The following POR variants were observed in gnomAD, a reference collection of about 807,000 sequenced individuals.
POR encodes cytochrome p450 oxidoreductase, also known as NADPH--cytochrome P450 reductase.
A neutral mutation model predicts 84.0 loss-of-function variants in POR; 56 were observed. That is an observed-to-expected ratio of 0.67 (90% CI 0.54 to 0.83). The LOEUF is 0.83. POR is among the 40% of genes least tolerant of loss of function. The pLI, the probability that POR is intolerant of heterozygous loss-of-function variation, is 0.00. For synonymous variants in POR, 414 were observed against 400.5 expected (o/e 1.03, Z -0.40); for missense variants, 938 against 944.3 (o/e 0.99, Z 0.09).
chr7:75,930,298 G>A (rs1180390250), intron 1 of POR, among the ~76,000 whole-genome samples: 1 of 151,984 alleles, frequency 6.6e-6, no homozygotes, highest in Admixed American at 6.6e-5. Flanking sequence ...TAAGAACCAA[G>A]GGGTACTAAC....
rs368000266 is a variant in POR, at chr7:75,985,047, G to A, written c.1249-11G>A. 1.1e-4 allele frequency: 167 copies of A among 1,587,408 alleles called. No individual in the cohort carries two copies. The highest frequency in any genetic ancestry group is 1.2e-4 in the Non-Finnish European group (143 of 1,170,810). Reference sequence around the variant, plus strand: ...CCCCAATCAGCCCCATCTCACCCCCGTGTCTCTTAGGAGCTGTACCTGAGC... The same window carrying A: ...CCCCAATCAGCCCCATCTCACCCCCATGTCTCTTAGGAGCTGTACCTGAGC... On this transcript the variant is annotated splice_polypyrimidine_tract_variant and intron_variant, in intron 11 of 15. Coordinates refer to ENST00000461988, the MANE Select transcript of POR (RefSeq NM_000941.3).
At chr7:75,922,302 A>G (rs1473926316) in intron 1 of POR, among the ~76,000 whole-genome samples, 11 of 149,978 alleles carry the variant, frequency 7.3e-5, no homozygotes, top group African/African-American at 2.5e-4. Context: ...AGATGTCAAA[A>G]TTGGGTCTGA....
In POR at chr7:75,986,805, A is replaced by G; in HGVS notation, c.*324A>G. ...CCTCCACGTGATTTCCAGTGAGTGT[A>G]AATAATTTTAAATAACCTCTGGCCC... On this transcript the variant is annotated 3_prime_UTR_variant, in exon 16 of 16. Coordinates refer to ENST00000461988, the MANE Select transcript of POR (RefSeq NM_000941.3). 1 of 575,348 alleles carries G rather than the reference A, an allele frequency of 1.7e-6. No individual in the cohort carries two copies. Among genetic ancestry groups the G allele is most frequent in the Non-Finnish European group, 3.1e-6 (1 of 326,282 alleles). The allele number at this position is 575,348 out of a possible 1,614,324, so 35.6% of individuals were successfully genotyped here.
At chr7:75,952,972 G>A (rs1554553128) in intron 1 of POR, among the ~76,000 whole-genome samples, 1 of 152,158 alleles carries the variant, frequency 6.6e-6, no homozygotes, top group African/African-American at 2.4e-5. Flanking sequence ...AAGGCAGGCG[G>A]CTGGGAGGTG....
chr7:75,926,608 C>T (rs1554549530), intron 1 of POR, among the ~76,000 whole-genome samples: 1 of 152,064 alleles, frequency 6.6e-6, no homozygotes, highest in Non-Finnish European at 1.5e-5. Flanking sequence ...CCGGCCTGAC[C>T]AACATGGAGA....
intron 1 of POR, 91 bp from the exon 2 acceptor site, chr7:75,953,898 G>T (rs1787563427): frequency 9.6e-7 from 1 of 1,039,216 alleles, no homozygotes; most frequent in Non-Finnish European, 1.4e-6. Context: ...AGCCCCAGGG[G>T]CAAGGCCCAG....
intron 1 of POR, among the ~76,000 whole-genome samples, chr7:75,932,143 C>T (rs1475796580): frequency 2.6e-5 from 4 of 151,506 alleles, no homozygotes; most frequent in South Asian, 2.1e-4. Flanking sequence ...TATTTGTTCC[C>T]TTTGATTCAG....
At chr7:75,926,022 T>TTC (rs61236921) in intron 1 of POR, among the ~76,000 whole-genome samples, 50 of 148,938 alleles carry the variant, frequency 3.4e-4, no homozygotes, top group African/African-American at 1.2e-3. Flanking sequence ...TCTTTCTCTT[T>TTC]TCTCTCTCTT....
chr7:75,979,653 T>G (rs1319681734), intron 4 of POR, 74 bp downstream of exon 4: 1 of 1,572,646 alleles, frequency 6.4e-7, no homozygotes, highest in African/African-American at 1.3e-5. Context: ...AGGGCGCCCC[T>G]CAGCAGGGGG....
intron 8 of POR, 106 bp from the exon 9 acceptor site, chr7:75,983,414 A>G (rs1020069221): frequency 2.6e-6 from 2 of 754,954 alleles, no homozygotes; most frequent in African/African-American, 1.8e-5. Flanking sequence ...TTCCTCATGG[A>G]GATCTCTGAG....
At chr7:75,977,744 C>CG (rs1788761420) in intron 3 of POR, among the ~76,000 whole-genome samples, 2 of 152,142 alleles carry the variant, frequency 1.3e-5, no homozygotes, top group African/African-American at 4.8e-5. Flanking sequence ...TGCCATTACA[C>CG]TCCAATCTGG....
At chr7:75,928,276 C>T (rs1486174497) in intron 1 of POR, among the ~76,000 whole-genome samples, 2 of 152,142 alleles carry the variant, frequency 1.3e-5, no homozygotes, top group Admixed American at 6.6e-5. Flanking sequence ...GCTTCTATCT[C>T]AGTTTTTAAA....
chr7:75,918,316 A>G (rs531474209), intron 1 of POR, among the ~76,000 whole-genome samples: 1 of 152,002 alleles, frequency 6.6e-6, no homozygotes, highest in Non-Finnish European at 1.5e-5. Flanking sequence ...AGAAAAAAAA[A>G]CCCAAAAAAC....
At chr7:75,930,933 T>C (rs1807384079) in intron 1 of POR, among the ~76,000 whole-genome samples, 2 of 152,094 alleles carry the variant, frequency 1.3e-5, no homozygotes. Flanking sequence ...AGTGATCCTC[T>C]AACCTCAGCC....
chr7:75,981,834 G>A (rs1166865801), intron 7 of POR: 6 of 581,268 alleles, frequency 1.0e-5, no homozygotes, highest in East Asian at 2.9e-5. Context: ...ACATCGCGTC[G>A]GGCTCTGTGG....
Position 75,930,177 on chromosome 7 carries a change from A to G in POR, c.-5+14998A>G, listed in dbSNP as rs1172415757. ...GGTGCTTGGCACGTAGTAGGTGTTG[A>G]GTGAACGTTGGTTGCATTGCTTGGC... On this transcript the variant is annotated intron_variant, in intron 1 of 15. Transcript: ENST00000461988. Among the ~76,000 whole-genome samples the G allele has an allele frequency of 2.6e-5, 4 of 152,306 alleles. 1 individual carries two copies. Among genetic ancestry groups the G allele is most frequent in the South Asian group, 4.1e-4 (2 of 4,828 alleles).
chr7:75,960,483 AT>A (rs1189433261), intron 2 of POR, among the ~76,000 whole-genome samples: 2 of 150,538 alleles, frequency 1.3e-5, no homozygotes, highest in Admixed American at 6.6e-5. Flanking sequence ...TGGCTTATTT[AT>A]TTTTTTTTAA....
At chr7:75,919,382 C>CGTGT (rs56136603) in intron 1 of POR, among the ~76,000 whole-genome samples, 3,270 of 146,506 alleles carry the variant, frequency 0.022, 87 homozygotes, top group African/African-American at 0.059. Flanking sequence ...TCTGTGCGTG[C>CGTGT]GTGTGTGTGT....
chr7:75,915,697 C>T (rs1391420562), intron 1 of POR: 1 of 152,194 alleles, frequency 6.6e-6, no homozygotes, highest in Non-Finnish European at 1.5e-5. Context: ...ACGGGAGCCC[C>T]CCAGCCCGGC....
Sources: gnomAD v4.1 joint callset for allele counts (sites outside exome capture counted in the v4.1 genomes callset) on GRCh38, gnomAD v4.1.1 for gene constraint, MANE v1.5 for transcripts, NCBI Gene and HGNC (gene_info 2026-07-23, HGNC 2026-07-21) for gene names.